Variants in C5 observed in about 807,000 individuals in gnomAD.
The protein encoded by C5 is C3 and PZP-like alpha-2-macroglobulin domain-containing protein 4.
A neutral mutation model predicts 218.8 loss-of-function variants in C5; 140 were observed. The observed-to-expected ratio is 0.64, with a 90% CI of 0.56 to 0.74. C5 has a LOEUF of 0.74. C5 is among the 30% of genes least tolerant of loss of function. C5 has a pLI of 0.00. For synonymous variants in C5, 614 were observed against 682.3 expected (o/e 0.90, Z 1.56); for missense variants, 1,700 against 1,969.6 (o/e 0.86, Z 2.59).
intron 33 of C5, among the ~76,000 whole-genome samples, chr9:120,966,901 A>G (rs924891018): frequency 3.3e-5 from 5 of 152,116 alleles, no homozygotes; most frequent in Non-Finnish European, 7.4e-5. Context: ...AACAGCTGGG[A>G]GGGAGGCAGG....
At chr9:120,980,349 A>T in intron 27 of C5, 95 bp from the exon 28 acceptor site, 1 of 1,051,144 alleles carries the variant, frequency 9.5e-7, no homozygotes, top group Non-Finnish European at 1.5e-6. Flanking sequence ...TGGAGCAAGC[A>T]ATATGGGGGT....
At chr9:121,065,367 A>G in the C5 span, among the ~76,000 whole-genome samples, 1 of 152,252 alleles carries the variant, frequency 6.6e-6, no homozygotes, top group Non-Finnish European at 1.5e-5. Context: ...GGATATAAAA[A>G]TAGTAAACAA....
chr9:121,009,730 T>A (rs2131745428), intron 17 of C5, among the ~76,000 whole-genome samples: 1 of 152,328 alleles, frequency 6.6e-6, no homozygotes, highest in South Asian at 2.1e-4. Context: ...GTTTTGACTT[T>A]ACATCACTGA....
chr9:121,070,942 C>A, the C5 span, among the ~76,000 whole-genome samples: 27 of 152,102 alleles, frequency 1.8e-4, no homozygotes, highest in South Asian at 6.2e-4. Context: ...TTACTCCAAC[C>A]ACTATACATT....
the C5 span, among the ~76,000 whole-genome samples, chr9:121,072,932 G>T: frequency 6.6e-6 from 1 of 151,836 alleles, no homozygotes; most frequent in Admixed American, 6.6e-5. Context: ...GTAAATAGTT[G>T]GGGAGAGGAC....
chr9:121,047,612 C>T (rs1468673), intron 1 of C5, among the ~76,000 whole-genome samples: 78,229 of 152,108 alleles, frequency 0.51, 22,455 homozygotes, highest in South Asian at 0.79. Context: ...TTCCAGGCTT[C>T]TGCCAACATT....
chr9:121,022,322 C>G (rs116584716), intron 10 of C5, among the ~76,000 whole-genome samples: 1 of 150,730 alleles, frequency 6.6e-6, no homozygotes, highest in African/African-American at 2.4e-5. Flanking sequence ...TATACACACA[C>G]AATTCCACAC....
upstream of C5, among the ~76,000 whole-genome samples, chr9:121,055,213 C>T (rs1345967077): frequency 6.6e-6 from 1 of 152,164 alleles, no homozygotes. Context: ...AACCTACCTG[C>T]TTCAGGCATA....
rs540062064 is a variant in C5, at chr9:120,987,426, C to T, written c.3230+1620G>A. Among the ~76,000 whole-genome samples the T allele has an allele frequency of 5.8e-4, 88 of 151,806 alleles. 1 individual carries two copies. The highest frequency in any genetic ancestry group is 8.3e-4 in the South Asian group (4 of 4,810). On this transcript the variant is annotated intron_variant, in intron 25 of 40. Coordinates refer to ENST00000223642, the MANE Select transcript of C5 (RefSeq NM_001735.3). ...TTGGGAGGTTGAGGTGGGTGGATCA[C>T]GAGGTCCGGAGATCGAGACCATCCT...
chr9:120,982,174 G>A (rs577610411), intron 26 of C5, among the ~76,000 whole-genome samples: 2 of 152,302 alleles, frequency 1.3e-5, no homozygotes, highest in East Asian at 3.9e-4. Context: ...ACCACGCACG[G>A]CTAATTTTTG....
chr9:121,061,780 T>A, the C5 span, among the ~76,000 whole-genome samples: 1 of 152,262 alleles, frequency 6.6e-6, no homozygotes, highest in Non-Finnish European at 1.5e-5. Context: ...AGTTCATACA[T>A]GTATATATAT....
chr9:121,048,197 G>A (rs1220718889), intron 1 of C5, among the ~76,000 whole-genome samples: 2 of 152,156 alleles, frequency 1.3e-5, no homozygotes, highest in African/African-American at 4.8e-5. Context: ...ATTTATAGAA[G>A]CTTTATGTTT....
chr9:121,040,093 T>C (rs149380049), intron 3 of C5, among the ~76,000 whole-genome samples: 102 of 152,356 alleles, frequency 6.7e-4, no homozygotes, highest in Non-Finnish European at 1.3e-3. Flanking sequence ...GATATTTGCC[T>C]GGCCTTATGA....
chr9:121,045,791 T>G (rs544910081), intron 2 of C5, among the ~76,000 whole-genome samples: 2 of 152,264 alleles, frequency 1.3e-5, no homozygotes, highest in East Asian at 1.9e-4. Context: ...AATATTAGAG[T>G]TCAATCGAAT....
intron 17 of C5, among the ~76,000 whole-genome samples, chr9:121,011,649 A>C (rs1219969760): frequency 6.6e-6 from 1 of 152,242 alleles, no homozygotes; most frequent in Non-Finnish European, 1.5e-5. Flanking sequence ...AAAGAAAATC[A>C]GTACATCGAA....
intron 4 of C5, among the ~76,000 whole-genome samples, chr9:121,036,279 C>T (rs2047523774): frequency 6.6e-6 from 1 of 152,164 alleles, no homozygotes; most frequent in Non-Finnish European, 1.5e-5. Flanking sequence ...GATCATCTTT[C>T]TCAGGTACTA....
chr9:120,991,429 C>A, intron 22 of C5, 149 bp from the exon 23 acceptor site: 1 of 618,818 alleles, frequency 1.6e-6, no homozygotes. Context: ...TAAAAATCAT[C>A]AAGGACTTTA....
chr9:121,061,336 A>G, the C5 span, among the ~76,000 whole-genome samples: 1 of 152,224 alleles, frequency 6.6e-6, no homozygotes, highest in African/African-American at 2.4e-5. Context: ...AAATATAAAC[A>G]TAAAGCCTTT....
the C5 span, among the ~76,000 whole-genome samples, chr9:121,074,111 C>A: frequency 5.3e-5 from 8 of 152,152 alleles, no homozygotes; most frequent in East Asian, 1.5e-3. Context: ...GGATGGGGAG[C>A]GATTGCACTG....
Sources: allele counts gnomAD v4.1 joint callset (sites outside exome capture counted in the v4.1 genomes callset), GRCh38; gene constraint gnomAD v4.1.1; transcripts MANE v1.5; gene names NCBI Gene and HGNC (gene_info 2026-07-23, HGNC 2026-07-21).